PLA1A: variants seen among roughly 807,000 people sequenced by gnomAD.
PLA1A encodes phosphatidylserine-specific phospholipase A1alpha.
Under a neutral mutation model 49.4 loss-of-function variants are expected in PLA1A, and 47 were observed. The observed-to-expected ratio is 0.95, with a 90% CI of 0.75 to 1.21. The LOEUF is 1.21. Among genes scored for constraint, PLA1A ranks in the 50% most tolerant of loss-of-function variants. The pLI, the probability that PLA1A is intolerant of heterozygous loss-of-function variation, is 0.00. For synonymous variants in PLA1A, 224 were observed against 207.9 expected (o/e 1.08, Z -0.67); for missense variants, 561 against 563.9 (o/e 0.99, Z 0.05).
At chr3:119,607,292 TGG>T (rs2082701992) in intron 2 of PLA1A, among the ~76,000 whole-genome samples, 1 of 152,224 alleles carries the variant, frequency 6.6e-6, no homozygotes, top group Non-Finnish European at 1.5e-5. Flanking sequence ...ACTTCTTCCT[TGG>T]TTTTATGACC....
intron 2 of PLA1A, among the ~76,000 whole-genome samples, chr3:119,607,561 A>G (rs112112452): frequency 1.4e-4 from 22 of 152,234 alleles, no homozygotes; most frequent in African/African-American, 4.8e-4. Flanking sequence ...TAATAGCACT[A>G]TGGAGCAAGT....
At chr3:119,612,578 T>A in intron 4 of PLA1A, among the ~76,000 whole-genome samples, 1 of 151,984 alleles carries the variant, frequency 6.6e-6, no homozygotes, top group East Asian at 1.9e-4. Context: ...AACCTCTGTC[T>A]CCCGGGTTCA....
intron 7 of PLA1A, among the ~76,000 whole-genome samples, chr3:119,619,091 T>G (rs545291053): frequency 5.9e-5 from 9 of 152,228 alleles, no homozygotes; most frequent in South Asian, 4.1e-4. Flanking sequence ...TGGTGCTAAC[T>G]ACTTGTACTT....
intron 1 of PLA1A, among the ~76,000 whole-genome samples, chr3:119,604,794 C>G (rs114411652): frequency 3.3e-5 from 5 of 152,140 alleles, no homozygotes; most frequent in African/African-American, 1.2e-4. Flanking sequence ...AGGAGTTTCT[C>G]TTTGTAATGG....
intron 1 of PLA1A, chr3:119,600,268 C>G: frequency 1.6e-6 from 1 of 641,660 alleles, no homozygotes; most frequent in Non-Finnish European, 2.8e-6. Flanking sequence ...TCATGACAAC[C>G]CCAGTCACAC....
intron 6 of PLA1A, among the ~76,000 whole-genome samples, chr3:119,617,167 A>G (rs973083011): frequency 1.3e-5 from 2 of 152,232 alleles, no homozygotes; most frequent in African/African-American, 2.4e-5. Flanking sequence ...AGTAAATAAC[A>G]GTGAAATAAG....
rs139759007 is a variant in PLA1A at position 119,628,702 on chromosome 3, C to G, written c.1123C>G (p.Pro375Ala). Reference sequence around the variant, plus strand: ...TTTCCCTTTACCCTTTTCTTGCAGACCTAAGCAGCAACGCTATGGGAAAGG... The same window carrying G: ...TTTCCCTTTACCCTTTTCTTGCAGAGCTAAGCAGCAACGCTATGGGAAAGG... ...NITSSSKITI[P>A]KQQRYGKGII... Residue 375 changes from proline (P) to alanine (A), a missense_variant and splice_region_variant, in exon 10 of 11, where the codon CCT becomes GCT. Pro to Ala is a conservative substitution (Grantham distance 27). Coordinates refer to ENST00000273371, the MANE Select transcript of PLA1A (RefSeq NM_015900.4). 466 of 1,613,938 alleles carry G rather than the reference C, an allele frequency of 2.9e-4. No individual in the cohort carries two copies. The African/African-American group carries it at 5.5e-3, about 19-fold the overall frequency.
At chr3:119,622,396 T>C (rs527303107) in intron 8 of PLA1A, among the ~76,000 whole-genome samples, 2 of 152,180 alleles carry the variant, frequency 1.3e-5, no homozygotes, top group African/African-American at 2.4e-5. Flanking sequence ...CCCATAACAA[T>C]TGATATCCCA....
intron 3 of PLA1A, 109 bp downstream of exon 3, chr3:119,609,056 T>G: frequency 1.2e-6 from 1 of 843,896 alleles, no homozygotes. Flanking sequence ...AGTCACCAGG[T>G]AGCTCGGTGG....
intron 9 of PLA1A, among the ~76,000 whole-genome samples, chr3:119,627,767 G>A (rs1033536210): frequency 3.4e-4 from 52 of 152,190 alleles, no homozygotes; most frequent in African/African-American, 1.1e-3. Flanking sequence ...TCTGCTGGGC[G>A]CCCTCCTTGA....
chr3:119,627,621 C>T (rs1244454933), intron 9 of PLA1A, among the ~76,000 whole-genome samples: 2 of 134,396 alleles, frequency 1.5e-5, no homozygotes, highest in East Asian at 4.9e-4. Context: ...GGGTGGTTCC[C>T]CACACCACCC....
At position 119,613,058 on chromosome 3, in the gene PLA1A, G is replaced by T; in HGVS notation, c.604G>T (p.Glu202Ter). The T allele has an allele frequency of 6.2e-7, 1 of 1,608,598 alleles. No individual in the cohort carries two copies. Among genetic ancestry groups the T allele is most frequent in the South Asian group, 1.1e-5 (1 of 89,610 alleles). The change falls in exon 5 of 11, where the codon GAA becomes TAA. Residue 202 changes from glutamate (E) to a stop codon, truncating the protein, a stop_gained. Transcript: ENST00000273371. LOFTEE classifies it high-confidence loss of function. ...AGPEYTRASV[E>*]ERLDAGDALF... ...ACCTGAGTACACCAGGGCCAGTGTGGAAGAGCGCTTGGATGCTGGAGATGC... is the reference window on the plus strand; with the variant it reads ...ACCTGAGTACACCAGGGCCAGTGTGTAAGAGCGCTTGGATGCTGGAGATGC...
rs2082736997 is a variant in PLA1A at position 119,609,517 on chromosome 3, G to C, written c.503G>C (p.Gly168Ala). The change falls in exon 4 of 11, where the codon GGG becomes GCG. Residue 168 changes from glycine to alanine, a missense_variant. Gly to Ala is a moderately conservative substitution (Grantham distance 60). Coordinates refer to ENST00000273371, the MANE Select transcript of PLA1A (RefSeq NM_015900.4). ...SSIHIIGVSL[G>A]AHVGGMVGQL... Reference sequence around the variant, plus strand: ...ATCCACATCATTGGTGTTAGCCTGGGGGCCCACGTTGGGGGCATGGTGGGA... The same window carrying C: ...ATCCACATCATTGGTGTTAGCCTGGCGGCCCACGTTGGGGGCATGGTGGGA... 6.2e-7 allele frequency: 1 copy of C among 1,613,422 alleles called. No individual in the cohort carries two copies. The highest frequency in any genetic ancestry group is 1.3e-5 in the African/African-American group (1 of 74,862).
Position 119,615,844 on chromosome 3 carries a change from AAG to A in PLA1A, c.665-166_665-165del, listed in dbSNP as rs200164893. ...CCTCAGAAAAAAAAAAGAAAAAGAA[AAG>A]AAAAGAAAAGAAAAGAAATCTGTCT... On this transcript the variant is annotated intron_variant, in intron 5 of 10. Coordinates refer to ENST00000273371, the MANE Select transcript of PLA1A (RefSeq NM_015900.4). Among the ~76,000 whole-genome samples, 125 of 151,954 alleles carry A rather than the reference AAG, an allele frequency of 8.2e-4. 2 individuals are homozygous for A. The East Asian group carries it at 0.021, about 25-fold the overall frequency.
intron 9 of PLA1A, among the ~76,000 whole-genome samples, chr3:119,627,643 G>A (rs1448783862): frequency 6.6e-6 from 1 of 151,882 alleles, no homozygotes; most frequent in Admixed American, 6.6e-5. Context: ...TGCCCCCGCC[G>A]AGAGGAACGC....
At chr3:119,616,233 G>A (rs1430110526) in intron 6 of PLA1A, 132 bp downstream of exon 6, 14 of 674,460 alleles carry the variant, frequency 2.1e-5, no homozygotes, top group African/African-American at 7.1e-5. Context: ...GTCCCATAAC[G>A]CTTTACTCAG....
At chr3:119,614,574 C>T (rs1009181659) in intron 5 of PLA1A, among the ~76,000 whole-genome samples, 3 of 148,108 alleles carry the variant, frequency 2.0e-5, no homozygotes, top group Non-Finnish European at 3.0e-5. Context: ...CCACTGCACT[C>T]CAGCCTGGGT....
chr3:119,613,158 C>G, intron 5 of PLA1A, 40 bp downstream of exon 5: 3 of 1,366,964 alleles, frequency 2.2e-6, no homozygotes, highest in Non-Finnish European at 3.1e-6. Context: ...GGAATGAGCT[C>G]AAGGCAGCGC....
chr3:119,616,084 C>A lies in PLA1A; in HGVS notation c.737C>A (p.Pro246His). ...GGAGGCCAAGACCAACCTGGCTGCC[C>A]CACCTTCTTTTACGCAGGTCAGAAA... ...VNGGQDQPGC[P>H]TFFYAGYSYL... Residue 246 changes from proline (P) to histidine (H), a missense_variant, in exon 6 of 11, where the codon CCC (proline) becomes CAC (histidine). Physicochemically the swap from Pro to His is moderately conservative, Grantham distance 77. Transcript: ENST00000273371. 1 of 1,611,648 alleles carries A rather than the reference C, an allele frequency of 6.2e-7. No homozygotes were observed. Among genetic ancestry groups the A allele is most frequent in the Non-Finnish European group, 8.5e-7 (1 of 1,177,768 alleles).
Sources: gnomAD v4.1 joint callset for allele counts (sites outside exome capture counted in the v4.1 genomes callset) on GRCh38, gnomAD v4.1.1 for gene constraint, MANE v1.5 for transcripts, NCBI Gene and HGNC (gene_info 2026-07-23, HGNC 2026-07-21) for gene names.